Variants in SLC9A9 observed in about 807,000 individuals in gnomAD.
SLC9A9 encodes sodium/hydrogen exchanger 9.
In SLC9A9, 62 loss-of-function variants were observed where a neutral mutation model predicts 77.8. That is an observed-to-expected ratio of 0.80 (90% CI 0.65 to 0.98). The LOEUF is 0.98. Ranked by LOEUF, SLC9A9 falls within the 50% of genes least tolerant of loss-of-function variation. The pLI is 0.00. For synonymous variants in SLC9A9, 320 were observed against 283.5 expected, an observed-to-expected ratio of 1.13 and a Z score of -1.29; for missense variants, 775 against 774.9, an observed-to-expected ratio of 1.00 and a Z score of 0.00.
At chr3:143,837,760 A>C (rs1286729253) in intron 1 of SLC9A9, among the ~76,000 whole-genome samples, 1 of 152,142 alleles carries the variant, frequency 6.6e-6, no homozygotes, top group Non-Finnish European at 1.5e-5. Context: ...TCCTGTCAAT[A>C]AGAAGTGAAG....
chr3:143,806,190 A>G lies in SLC9A9; in HGVS notation c.379-9287T>C, dbSNP rs549778594. ...CATCAAAATCAAATGTATGGGTTTC[A>G]CAACTCTAATTTACAATTTTCTTCC... On this transcript the variant is annotated intron_variant, in intron 2 of 15. Transcript: ENST00000316549. 2.0e-5 allele frequency among the ~76,000 whole-genome samples: 3 copies of G among 150,654 alleles called. No individual in the cohort carries two copies. In the South Asian group the frequency reaches 6.3e-4, roughly 32 times the overall value.
intron 11 of SLC9A9, among the ~76,000 whole-genome samples, chr3:143,477,304 T>G (rs1458349409): frequency 6.7e-6 from 1 of 150,334 alleles, no homozygotes; most frequent in East Asian, 1.9e-4. Flanking sequence ...ATAAGCTATA[T>G]CAAAATCACC....
intron 9 of SLC9A9, among the ~76,000 whole-genome samples, chr3:143,499,207 T>C (rs2108595295): frequency 6.6e-6 from 1 of 152,324 alleles, no homozygotes; most frequent in East Asian, 1.9e-4. Flanking sequence ...AACTTACCTA[T>C]TGGCATTTTA....
intron 1 of SLC9A9, among the ~76,000 whole-genome samples, chr3:143,843,063 T>G (rs948886967): frequency 3.9e-5 from 5 of 128,988 alleles, no homozygotes; most frequent in Admixed American, 7.1e-5. Flanking sequence ...AAAAAAATCA[T>G]CAAGATTAAG....
At chr3:143,321,277 A>G (rs2031410291) in intron 14 of SLC9A9, among the ~76,000 whole-genome samples, 1 of 152,242 alleles carries the variant, frequency 6.6e-6, no homozygotes, top group Non-Finnish European at 1.5e-5. Flanking sequence ...TCCGTTTACT[A>G]TGACCTCCAC....
intron 12 of SLC9A9, among the ~76,000 whole-genome samples, chr3:143,439,850 A>G (rs2034695729): frequency 6.6e-6 from 1 of 152,164 alleles, no homozygotes; most frequent in Non-Finnish European, 1.5e-5. Flanking sequence ...ATGAGGATAA[A>G]GCAGAAGTTA....
intron 14 of SLC9A9, chr3:143,312,928 T>G (rs1192110196): frequency 6.6e-6 from 1 of 152,238 alleles, no homozygotes; most frequent in Non-Finnish European, 1.5e-5. Flanking sequence ...GATAGACACT[T>G]TCTCTCCTTT....
intron 14 of SLC9A9, among the ~76,000 whole-genome samples, chr3:143,351,432 C>T (rs2108473813): frequency 6.6e-6 from 1 of 152,328 alleles, no homozygotes; most frequent in Non-Finnish European, 1.5e-5. Flanking sequence ...ATCTGTAGTT[C>T]CCAACAGGAA....
chr3:143,288,822 A>G (rs1162156599), intron 14 of SLC9A9, among the ~76,000 whole-genome samples: 1 of 152,240 alleles, frequency 6.6e-6, no homozygotes, highest in African/African-American at 2.4e-5. Flanking sequence ...AAAAATGGTC[A>G]GATAGAAGAC....
chr3:143,593,639 A>G (rs1343693226), intron 6 of SLC9A9, among the ~76,000 whole-genome samples: 2 of 152,212 alleles, frequency 1.3e-5, no homozygotes, highest in African/African-American at 2.4e-5. Flanking sequence ...CACCTTTCAG[A>G]TCTACTGTGC....
At chr3:143,345,258 A>G (rs59195456) in intron 14 of SLC9A9, among the ~76,000 whole-genome samples, 30,063 of 152,116 alleles carry the variant, frequency 0.2, 3,037 homozygotes, top group South Asian at 0.24. Context: ...ATAGAAGACA[A>G]AGAAAAGAAG....
intron 1 of SLC9A9, among the ~76,000 whole-genome samples, chr3:143,840,058 TC>T (rs1553728225): frequency 6.6e-6 from 1 of 152,168 alleles, no homozygotes; most frequent in Non-Finnish European, 1.5e-5. Context: ...AAAGTATTTC[TC>T]AAACTTCAGT....
chr3:143,697,206 T>G (rs6776384), intron 4 of SLC9A9, among the ~76,000 whole-genome samples: 64,401 of 151,228 alleles, frequency 0.43, 13,844 homozygotes, highest in South Asian at 0.6. Context: ...ATACTGGGCA[T>G]GGAAAAGTAA....
intron 4 of SLC9A9, among the ~76,000 whole-genome samples, chr3:143,769,969 T>C (rs2007459889): frequency 6.6e-6 from 1 of 152,192 alleles, no homozygotes; most frequent in Admixed American, 6.5e-5. Flanking sequence ...TGAGTGCTTA[T>C]AAATAGCCTG....
At chr3:143,536,689 G>A (rs1377752554) in intron 9 of SLC9A9, among the ~76,000 whole-genome samples, 3 of 152,102 alleles carry the variant, frequency 2.0e-5, no homozygotes, top group African/African-American at 7.2e-5. Flanking sequence ...ATACTTATTT[G>A]GGTAATGTCT....
At chr3:143,425,390 A>C (rs552530741) in intron 12 of SLC9A9, among the ~76,000 whole-genome samples, 1 of 152,218 alleles carries the variant, frequency 6.6e-6, no homozygotes, top group Admixed American at 6.5e-5. Flanking sequence ...TTAAGCTTTA[A>C]AAATATATAT....
rs187106585 is a variant in SLC9A9, at chr3:143,762,538, G to A, written c.533+32463C>T. On this transcript the variant is annotated intron_variant, in intron 4 of 15. Coordinates refer to ENST00000316549, the MANE Select transcript of SLC9A9 (RefSeq NM_173653.4). Reference sequence around the variant, plus strand: ...CCCAAATAAATCTTTGTAATGGGTTGTTTTAGTAGTGTGGTGATCACCAAA... The same window carrying A: ...CCCAAATAAATCTTTGTAATGGGTTATTTTAGTAGTGTGGTGATCACCAAA... 9.4e-3 allele frequency among the ~76,000 whole-genome samples: 1,432 copies of A among 152,260 alleles called. 11 individuals are homozygous for A. Among genetic ancestry groups the A allele is most frequent in the Middle Eastern group, 0.027 (8 of 292 alleles).
At chr3:143,363,658 TA>T (rs925788168) in intron 13 of SLC9A9, 95 bp from the exon 14 acceptor site, 31 of 1,151,070 alleles carry the variant, frequency 2.7e-5, no homozygotes, top group Middle Eastern at 2.3e-4. Context: ...TAACTACATT[TA>T]AAAAAAACCT....
At chr3:143,490,638 T>A (rs1269596187) in intron 11 of SLC9A9, among the ~76,000 whole-genome samples, 6 of 152,170 alleles carry the variant, frequency 3.9e-5, no homozygotes, top group Non-Finnish European at 7.3e-5. Flanking sequence ...CTGAACTGTA[T>A]TCTTAAAATG....
Sources: gnomAD v4.1 joint callset for allele counts (sites outside exome capture counted in the v4.1 genomes callset) on GRCh38, gnomAD v4.1.1 for gene constraint, MANE v1.5 for transcripts, NCBI Gene and HGNC (gene_info 2026-07-23, HGNC 2026-07-21) for gene names.